Variants in ZNF430 observed in about 807,000 individuals in gnomAD.
ZNF430 encodes the protein zinc finger protein 430.
ZNF430 carries 35 observed loss-of-function variants against 56.7 expected under a neutral mutation model. The ratio of observed to expected loss-of-function variants is 0.62; its 90% CI spans 0.47 to 0.82. The LOEUF (loss-of-function observed/expected upper bound fraction) is 0.82, where lower values mean the gene tolerates loss of function less well. Ranked by LOEUF, ZNF430 falls within the 40% of genes least tolerant of loss-of-function variation. The pLI, the probability that ZNF430 is intolerant of heterozygous loss-of-function variation, is 0.00. For missense variants in ZNF430, 574 were observed against 661.0 expected, an observed-to-expected ratio of 0.87 and a Z score of 1.44; for synonymous variants, 212 against 224.3, an observed-to-expected ratio of 0.94 and a Z score of 0.49.
rs528945251 is a variant in ZNF430, at chr19:21,058,399, G to A, written c.*378G>A. The A allele has an allele frequency of 9.8e-5, 17 of 172,852 alleles. No individual in the cohort carries two copies. Among genetic ancestry groups the A allele is most frequent in the African/African-American group, 1.7e-4 (7 of 41,552 alleles). The allele number at this position is 172,852 out of a possible 1,614,324, so 10.7% of individuals were successfully genotyped here. A position where few individuals can be genotyped will look rare whatever the true frequency, so the allele number is the denominator to read the frequency against. On this transcript the variant is annotated 3_prime_UTR_variant, in exon 5 of 5. Transcript: ENST00000261560. The stretch of plus-strand genomic sequence containing the variant: ...GCAGAGGTTGAAGTGAGCTGAGATC[G>A]CGCCATTGCACTCCAGCCTGGGCAA...
At chr19:21,049,173 C>CAAAAAAAAAAAAAA (rs746043747) in intron 4 of ZNF430, among the ~76,000 whole-genome samples, 2 of 65,248 alleles carry the variant, frequency 3.1e-5, no homozygotes, top group African/African-American at 7.8e-5. Flanking sequence ...GACTCCATCT[C>CAAAAAAAAAAAAAA]AAAAAAAAAA....
In ZNF430 at chr19:21,021,823, A is replaced by ATTTTTTTTTTTT. The variant is rs71174785; in HGVS notation, c.4-947_4-936dup. On this transcript the variant is annotated intron_variant, in intron 1 of 4. Coordinates refer to ENST00000261560, the MANE Select transcript of ZNF430 (RefSeq NM_025189.4). ...TTTCAAAACGATGCGCCTGAGTTAG[A>ATTTTTTTTTTTT]TTTTTTTTTTTTTTTTTTTTTTTTT... Among the ~76,000 whole-genome samples, 22 of 85,704 alleles carry ATTTTTTTTTTTT rather than the reference A, an allele frequency of 2.6e-4. 1 individual carries two copies. Among genetic ancestry groups the ATTTTTTTTTTTT allele is most frequent in the African/African-American group, 1.1e-3 (20 of 18,810 alleles). 56.2% of individuals were successfully genotyped at this position (85,704 alleles called of 152,430 possible).
At chr19:21,027,350 A>G (rs138108583) in intron 2 of ZNF430, among the ~76,000 whole-genome samples, 2 of 152,176 alleles carry the variant, frequency 1.3e-5, no homozygotes, top group Non-Finnish European at 2.9e-5. Flanking sequence ...GGTTTTAAAC[A>G]TGAAAAATGT....
At chr19:21,022,561 GCTT>G (rs898385939) in intron 1 of ZNF430, among the ~76,000 whole-genome samples, 31 of 152,244 alleles carry the variant, frequency 2.0e-4, no homozygotes, top group Admixed American at 1.2e-3. Flanking sequence ...AACTCTCTGT[GCTT>G]CTTCTCCTTG....
chr19:21,058,653 A>G lies in ZNF430; in HGVS notation c.*632A>G, dbSNP rs1396406214. 6.5e-6 allele frequency: 1 copy of G among 154,434 alleles called. No individual in the cohort carries two copies. Among genetic ancestry groups the G allele is most frequent in the Non-Finnish European group, 1.5e-5 (1 of 68,286 alleles). The allele number at this position is 154,434 out of a possible 1,614,324, so 9.6% of individuals were successfully genotyped here. A position where few individuals can be genotyped will look rare whatever the true frequency, so the allele number is the denominator to read the frequency against. The stretch of plus-strand genomic sequence containing the variant: ...AGTTCATACTGAAGAAAACTTCTAC[A>G]AGTGTGAACAGTGTGGCAAAACTTT... On this transcript the variant is annotated 3_prime_UTR_variant, in exon 5 of 5. Transcript: ENST00000261560.
chr19:21,028,877 G>T (rs988751777), intron 2 of ZNF430, among the ~76,000 whole-genome samples: 4 of 151,814 alleles, frequency 2.6e-5, no homozygotes, highest in African/African-American at 9.7e-5. Flanking sequence ...ATAAAGACAG[G>T]GTTTCACCAT....
At chr19:21,052,312 C>T (rs1968297029) in intron 4 of ZNF430, among the ~76,000 whole-genome samples, 1 of 152,274 alleles carries the variant, frequency 6.6e-6, no homozygotes, top group East Asian at 1.9e-4. Context: ...GGTGTCTTCT[C>T]TATACCTCTG....
At chr19:21,027,580 G>A (rs1394665106) in intron 2 of ZNF430, among the ~76,000 whole-genome samples, 1 of 151,966 alleles carries the variant, frequency 6.6e-6, no homozygotes, top group Non-Finnish European at 1.5e-5. Context: ...GTTCATCAAG[G>A]ATATTGGCTT....
At chr19:21,044,343 A>G (rs948268680) in intron 4 of ZNF430, among the ~76,000 whole-genome samples, 3 of 152,202 alleles carry the variant, frequency 2.0e-5, no homozygotes, top group East Asian at 1.9e-4. Flanking sequence ...AGATAATCAT[A>G]TGGATTTTGT....
chr19:21,029,931 C>G (rs910681783), intron 2 of ZNF430, among the ~76,000 whole-genome samples: 4 of 151,256 alleles, frequency 2.6e-5, no homozygotes, highest in African/African-American at 7.3e-5. Context: ...TGCCACTGCA[C>G]TCCAGCCTGG....
At chr19:21,029,857 C>T (rs557739359) in intron 2 of ZNF430, among the ~76,000 whole-genome samples, 1 of 152,184 alleles carries the variant, frequency 6.6e-6, no homozygotes, top group East Asian at 1.9e-4. Flanking sequence ...CCCAGCTGCT[C>T]AGGAGGCTGG....
chr19:21,026,101 G>A lies in ZNF430; in HGVS notation c.96+3220G>A, dbSNP rs868496712. 11 of 232,178 alleles carry A rather than the reference G, an allele frequency of 4.7e-5. No individual in the cohort carries two copies. In the East Asian group the frequency reaches 5.9e-4, roughly 12 times the overall value. 14.4% of individuals were successfully genotyped at this position (232,178 alleles called of 1,614,324 possible). ...CACCATGTTGACCAGGATGGTCTCC[G>A]TCTCTTGACCTCATGATCCACCTGC... is the stretch of plus-strand genomic sequence containing the variant. On this transcript the variant is annotated intron_variant, in intron 2 of 4. Coordinates refer to ENST00000261560, the MANE Select transcript of ZNF430 (RefSeq NM_025189.4).
chr19:21,055,880 A>T (rs2144792444), intron 4 of ZNF430, among the ~76,000 whole-genome samples: 1 of 152,308 alleles, frequency 6.6e-6, no homozygotes, highest in East Asian at 1.9e-4. Flanking sequence ...TCCAAAGTAT[A>T]CCACCATTTC....
intron 4 of ZNF430, among the ~76,000 whole-genome samples, chr19:21,047,014 C>T (rs755610491): frequency 9.9e-5 from 15 of 152,132 alleles, no homozygotes; most frequent in Non-Finnish European, 2.1e-4. Context: ...TCATAGACCT[C>T]AGAGATTTCT....
chr19:21,020,840 G>C (rs778540293), intron 1 of ZNF430, 37 bp downstream of exon 1: 15 of 1,613,388 alleles, frequency 9.3e-6, no homozygotes, highest in Admixed American at 1.7e-5. Flanking sequence ...AGAGAGGGGA[G>C]GGGCTGGTTG....
rs1459217997 is a variant in ZNF430, at chr19:21,020,688, G to A, written c.-113G>A. The A allele has an allele frequency of 1.2e-5, 18 of 1,497,370 alleles. No individual in the cohort carries two copies. Among genetic ancestry groups the A allele is most frequent in the Non-Finnish European group, 1.7e-5 (18 of 1,080,728 alleles). The allele number at this position is 1,497,370 out of a possible 1,614,324, so 92.8% of individuals were successfully genotyped here. On this transcript the variant is annotated 5_prime_UTR_variant, in exon 1 of 5. Coordinates refer to ENST00000261560, the MANE Select transcript of ZNF430 (RefSeq NM_025189.4). ...CGCTGTGGCCTGAGCTCCAGGTCTC[G>A]TCTTCAGCGCTCTGTGTCCTCTGCT...
chr19:21,056,286 C>T (rs768489628), intron 4 of ZNF430, among the ~76,000 whole-genome samples: 9 of 151,962 alleles, frequency 5.9e-5, no homozygotes, highest in South Asian at 2.1e-4. Flanking sequence ...GTCAGGAGTT[C>T]GAGACCAGAC....
In ZNF430 at chr19:21,057,759, C is replaced by T; in HGVS notation, c.1451C>T (p.Pro484Leu). 1 of 1,613,460 alleles carries T rather than the reference C, an allele frequency of 6.2e-7. No homozygotes were observed. Among genetic ancestry groups the T allele is most frequent in the Non-Finnish European group, 8.5e-7 (1 of 1,179,896 alleles). Residue 484 changes from proline to leucine, a missense_variant, in exon 5 of 5, where the codon CCC (proline) becomes CTC (leucine). Coordinates refer to ENST00000261560, the MANE Select transcript of ZNF430 (RefSeq NM_025189.4). ...AAGGTAATTCATTCTGGAGAGAAAC[C>T]CTACAAATGTGAAGAATGTGGCAAA... ...AHKVIHSGEK[P>L]YKCEECGKAF...
At chr19:21,052,508 AAC>A (rs924560980) in intron 4 of ZNF430, among the ~76,000 whole-genome samples, 14 of 151,994 alleles carry the variant, frequency 9.2e-5, no homozygotes, top group East Asian at 3.9e-4. Flanking sequence ...GTAAGATACA[AAC>A]ACACACACAC....
Sources: allele counts gnomAD v4.1 joint callset (sites outside exome capture counted in the v4.1 genomes callset), GRCh38; gene constraint gnomAD v4.1.1; transcripts MANE v1.5; gene names NCBI Gene and HGNC (gene_info 2026-07-23, HGNC 2026-07-21).